Variants in NTM observed in about 807,000 individuals in gnomAD.
The protein encoded by NTM is IgLON family member 2.
Under a neutral mutation model 42.1 loss-of-function variants are expected in NTM, and 13 were observed. The ratio of observed to expected loss-of-function variants is 0.31; its 90% CI spans 0.20 to 0.49. NTM has a LOEUF of 0.49. Ranked by LOEUF, NTM falls within the 20% of genes least tolerant of loss-of-function variation. The probability of loss-of-function intolerance (pLI) is 0.99; values close to 1 mark genes in which losing one functional copy is unlikely to be tolerated. For missense variants in NTM, 373 were observed against 452.8 expected (o/e 0.82, Z 1.60); for synonymous variants, 187 against 179.2 (o/e 1.04, Z -0.35).
intron 4 of NTM, among the ~76,000 whole-genome samples, chr11:132,273,061 T>C (rs747194560): frequency 1.3e-5 from 2 of 152,142 alleles, no homozygotes; most frequent in Non-Finnish European, 2.9e-5. Context: ...CTGGTTCGGA[T>C]TGAGGAAGTT....
chr11:132,005,673 C>G (rs1204199132), intron 2 of NTM, among the ~76,000 whole-genome samples: 1 of 152,112 alleles, frequency 6.6e-6, no homozygotes, highest in Non-Finnish European at 1.5e-5. Flanking sequence ...ATCCAACATG[C>G]TAATTGTGTG....
intron 4 of NTM, among the ~76,000 whole-genome samples, chr11:132,277,511 C>G (rs897734971): frequency 7.2e-5 from 11 of 152,112 alleles, no homozygotes; most frequent in Non-Finnish European, 1.6e-4. Flanking sequence ...CTTCTTTTCC[C>G]TTATATATCT....
intron 4 of NTM, among the ~76,000 whole-genome samples, chr11:132,217,386 G>GTGTGTA (rs1294031175): frequency 2.0e-5 from 3 of 150,382 alleles, no homozygotes; most frequent in South Asian, 2.1e-4. Context: ...GTGTGTGTGT[G>GTGTGTA]TGTGTATGTG....
At chr11:132,214,448 C>G (rs2083446632) in intron 4 of NTM, among the ~76,000 whole-genome samples, 1 of 152,100 alleles carries the variant, frequency 6.6e-6, no homozygotes, top group South Asian at 2.1e-4. Flanking sequence ...GTTTCTTCCC[C>G]CACTTCTCCT....
Position 132,205,943 on chromosome 11 carries a change from A to G in NTM, c.401-6079A>G, listed in dbSNP as rs2081930340. On this transcript the variant is annotated intron_variant, in intron 3 of 8. Transcript: ENST00000683400. ...AAAAGTAGTTCCCCCTAGAAGGTCT[A>G]GGGGTCTCCCTGTGCAGCCGTCCAG... Among the ~76,000 whole-genome samples, 2 of 152,204 alleles carry G rather than the reference A, an allele frequency of 1.3e-5. 1 individual carries two copies. Among genetic ancestry groups the G allele is most frequent in the South Asian group, 4.1e-4 (2 of 4,828 alleles).
At chr11:132,015,060 G>GT (rs2073131484) in intron 2 of NTM, among the ~76,000 whole-genome samples, 1 of 151,750 alleles carries the variant, frequency 6.6e-6, no homozygotes, top group Non-Finnish European at 1.5e-5. Flanking sequence ...TTTTGAGATG[G>GT]TTTTTTGATA....
At chr11:131,527,316 A>T (rs1036022899) in intron 1 of NTM, among the ~76,000 whole-genome samples, 3 of 152,158 alleles carry the variant, frequency 2.0e-5, no homozygotes, top group Admixed American at 6.5e-5. Flanking sequence ...GCTGGATTTT[A>T]TATTCTGGAC....
At chr11:132,285,624 G>A (rs151134017) in intron 4 of NTM, among the ~76,000 whole-genome samples, 112 of 152,244 alleles carry the variant, frequency 7.4e-4, no homozygotes, top group Non-Finnish European at 1.2e-3. Context: ...TTCTCCATGA[G>A]TTATATTCAC....
intron 1 of NTM, among the ~76,000 whole-genome samples, chr11:131,555,573 T>C (rs762537086): frequency 6.6e-6 from 1 of 152,080 alleles, no homozygotes; most frequent in Non-Finnish European, 1.5e-5. Flanking sequence ...ACAGGTAGAT[T>C]TGGAGTAAGT....
intron 1 of NTM, among the ~76,000 whole-genome samples, chr11:131,448,986 G>A (rs1950274369): frequency 6.6e-6 from 1 of 152,196 alleles, no homozygotes; most frequent in Non-Finnish European, 1.5e-5. Context: ...GGAGACAGCA[G>A]CAATGGCCTA....
intron 1 of NTM, among the ~76,000 whole-genome samples, chr11:131,745,285 G>A (rs1229608862): frequency 1.3e-5 from 2 of 152,294 alleles, no homozygotes; most frequent in African/African-American, 2.4e-5. Flanking sequence ...ATGAGGAGGT[G>A]CCATTCAGGG....
chr11:131,727,453 C>A (rs2079099688), intron 1 of NTM, among the ~76,000 whole-genome samples: 1 of 152,104 alleles, frequency 6.6e-6, no homozygotes. Flanking sequence ...TAAAAGGGAG[C>A]CTGCTTGTGA....
intron 2 of NTM, among the ~76,000 whole-genome samples, chr11:131,954,647 CATT>C (rs976066371): frequency 6.6e-6 from 1 of 151,828 alleles, no homozygotes; most frequent in Non-Finnish European, 1.5e-5. Context: ...TTAACGAAAA[CATT>C]ATGTTTGTTG....
intron 1 of NTM, among the ~76,000 whole-genome samples, chr11:131,742,624 G>A (rs2081329648): frequency 6.6e-6 from 1 of 152,248 alleles, no homozygotes; most frequent in African/African-American, 2.4e-5. Context: ...ATTGTAATAT[G>A]TTGTGAGTTA....
chr11:131,809,094 AT>A (rs1480328291), intron 1 of NTM, among the ~76,000 whole-genome samples: 1 of 152,252 alleles, frequency 6.6e-6, no homozygotes, highest in African/African-American at 2.4e-5. Context: ...TGCATAGACC[AT>A]TCTATATCTA....
chr11:132,220,216 C>A (rs1366996780), intron 4 of NTM, among the ~76,000 whole-genome samples: 1 of 152,100 alleles, frequency 6.6e-6, no homozygotes, highest in Non-Finnish European at 1.5e-5. Context: ...AAAGATAAAC[C>A]AGTGGTACAA....
chr11:131,701,101 G>T (rs1371246821), intron 1 of NTM, among the ~76,000 whole-genome samples: 6 of 152,148 alleles, frequency 3.9e-5, no homozygotes, highest in African/African-American at 1.4e-4. Context: ...GTTTCCAGTT[G>T]GTGGACAGTA....
intron 7 of NTM, among the ~76,000 whole-genome samples, chr11:132,322,093 A>G (rs2095582601): frequency 6.6e-6 from 1 of 152,218 alleles, no homozygotes; most frequent in Non-Finnish European, 1.5e-5. Flanking sequence ...TGTAAAGACC[A>G]TCGAGACTAG....
intron 1 of NTM, among the ~76,000 whole-genome samples, chr11:131,707,117 C>G (rs1378698965): frequency 6.6e-6 from 1 of 151,906 alleles, no homozygotes; most frequent in Non-Finnish European, 1.5e-5. Context: ...TCCTGTTGAA[C>G]TAAAACTTTG....
Sources: gnomAD v4.1 joint callset for allele counts (sites outside exome capture counted in the v4.1 genomes callset) on GRCh38, gnomAD v4.1.1 for gene constraint, MANE v1.5 for transcripts, NCBI Gene and HGNC (gene_info 2026-07-23, HGNC 2026-07-21) for gene names.